PSMB1: variants seen among roughly 807,000 people sequenced by gnomAD.
The protein encoded by PSMB1 is proteasome 20S subunit beta 1, also known as proteasome subunit beta type-1.
Under a neutral mutation model 25.4 loss-of-function variants are expected in PSMB1, and 7 were observed. That is an observed-to-expected ratio of 0.28 (90% CI 0.16 to 0.52). The LOEUF is 0.52. Ranked by LOEUF, PSMB1 falls within the 20% of genes least tolerant of loss-of-function variation. PSMB1 has a pLI of 0.97. For missense variants in PSMB1, 284 were observed against 302.2 expected (o/e 0.94, Z 0.45); for synonymous variants, 119 against 115.0 (o/e 1.03, Z -0.22).
At chr6:170,553,038 G>A (rs1778934671) in intron 1 of PSMB1, 92 bp downstream of exon 1, 1 of 1,155,134 alleles carries the variant, frequency 8.7e-7, no homozygotes, top group South Asian at 1.5e-5. Context: ...GCAGGAGCCC[G>A]GGGCAGCGCC....
chr6:170,543,868 C>T, intron 3 of PSMB1, 138 bp from the exon 4 acceptor site: 1 of 915,128 alleles, frequency 1.1e-6, no homozygotes, highest in South Asian at 2.6e-5. Context: ...CATGATCAAC[C>T]AACACAGTAT....
chr6:170,551,430 G>T (rs892073703), intron 1 of PSMB1, among the ~76,000 whole-genome samples: 1 of 152,160 alleles, frequency 6.6e-6, no homozygotes, highest in African/African-American at 2.4e-5. Flanking sequence ...TTTTGCGGAA[G>T]CGAAGGCTGC....
At chr6:170,551,434 A>T (rs1366565109) in intron 1 of PSMB1, among the ~76,000 whole-genome samples, 1 of 152,186 alleles carries the variant, frequency 6.6e-6, no homozygotes, top group Non-Finnish European at 1.5e-5. Context: ...GCGGAAGCGA[A>T]GGCTGCCTGA....
chr6:170,538,718 T>C (rs1778723063), intron 4 of PSMB1, among the ~76,000 whole-genome samples: 1 of 152,134 alleles, frequency 6.6e-6, no homozygotes, highest in African/African-American at 2.4e-5. Flanking sequence ...AAAAGGATTG[T>C]GTAAACTGAA....
At chr6:170,552,355 CTA>C (rs1778915141) in intron 1 of PSMB1, among the ~76,000 whole-genome samples, 1 of 152,228 alleles carries the variant, frequency 6.6e-6, no homozygotes, top group Non-Finnish European at 1.5e-5. Context: ...GAGCATCTTT[CTA>C]TAACCCTAAA....
At chr6:170,537,927 G>A (rs2114974838) in intron 4 of PSMB1, among the ~76,000 whole-genome samples, 1 of 152,312 alleles carries the variant, frequency 6.6e-6, no homozygotes, top group African/African-American at 2.4e-5. Context: ...GAACTTGAAG[G>A]AAAGCACGAC....
At chr6:170,542,578 T>C (rs978157962) in intron 4 of PSMB1, among the ~76,000 whole-genome samples, 8 of 152,208 alleles carry the variant, frequency 5.3e-5, no homozygotes, top group African/African-American at 1.7e-4. Flanking sequence ...TCCCTGGCCC[T>C]GAACCAAATT....
At chr6:170,546,055 G>T in intron 3 of PSMB1, 48 bp downstream of exon 3, 1 of 1,478,696 alleles carries the variant, frequency 6.8e-7, no homozygotes, top group South Asian at 1.2e-5. Context: ...AGAATTTAAT[G>T]AATTACTATT....
intron 2 of PSMB1, among the ~76,000 whole-genome samples, chr6:170,546,722 T>G (rs1778824620): frequency 6.6e-6 from 1 of 152,088 alleles, no homozygotes; most frequent in African/African-American, 2.4e-5. Context: ...TGCCTTGGCC[T>G]CCAAAGTGCT....
intron 2 of PSMB1, among the ~76,000 whole-genome samples, chr6:170,547,898 A>AAAAAAAG (rs3042442): frequency 6.6e-6 from 1 of 151,394 alleles, no homozygotes; most frequent in Non-Finnish European, 1.5e-5. Flanking sequence ...AAAAAAAAAA[A>AAAAAAAG]GTGCTCACTT....
At chr6:170,547,661 G>A (rs1399831497) in intron 2 of PSMB1, among the ~76,000 whole-genome samples, 1 of 152,054 alleles carries the variant, frequency 6.6e-6, no homozygotes, top group African/African-American at 2.4e-5. Context: ...ATACCAACAG[G>A]GAAAGACAGA....
intron 4 of PSMB1, among the ~76,000 whole-genome samples, chr6:170,539,673 G>A (rs549931966): frequency 6.6e-6 from 1 of 152,198 alleles, no homozygotes; most frequent in African/African-American, 2.4e-5. Flanking sequence ...TTCAGAAAGA[G>A]TATACTCAAC....
intron 1 of PSMB1, 41 bp downstream of exon 1, chr6:170,553,089 G>T: frequency 5.3e-6 from 8 of 1,520,738 alleles, no homozygotes; most frequent in Non-Finnish European, 6.3e-6. Context: ...GCAGATGGGG[G>T]AAGGGCGAAA....
chr6:170,545,465 G>A (rs1055698014), intron 3 of PSMB1, among the ~76,000 whole-genome samples: 1 of 152,156 alleles, frequency 6.6e-6, no homozygotes, highest in African/African-American at 2.4e-5. Context: ...AAAAGCATGT[G>A]TCAGTTAAAT....
rs750798553 is a variant in PSMB1, at chr6:170,535,303, C to T, written c.643G>A (p.Val215Met). 1.2e-6 allele frequency: 2 copies of T among 1,614,058 alleles called. No individual in the cohort carries two copies. Among genetic ancestry groups the T allele is most frequent in the African/African-American group, 2.7e-5 (2 of 74,922 alleles). The change falls in exon 6 of 6, where the codon GTG becomes ATG. Residue 215 changes from valine to methionine, a missense_variant. Val to Met is a conservative substitution (Grantham distance 21). Coordinates refer to ENST00000262193, the MANE Select transcript of PSMB1 (RefSeq NM_002793.4). ...ATCCGGAGTGCGTCCCCAGTGTACA[C>T]ATCTCTCTCAGCCGCAGAAATGAAG... Reference protein sequence around the residue: ...DVFISAAERDVYTGDALRICI... With the variant: ...DVFISAAERDMYTGDALRICI...
At chr6:170,545,694 A>T (rs1778808874) in intron 3 of PSMB1, among the ~76,000 whole-genome samples, 1 of 152,186 alleles carries the variant, frequency 6.6e-6, no homozygotes, top group Non-Finnish European at 1.5e-5. Flanking sequence ...CCTGCCAACT[A>T]AGAGCACAGC....
At position 170,535,545 on chromosome 6, in the gene PSMB1, A is replaced by G; in HGVS notation, c.541-140T>C. Reference sequence around the variant, plus strand: ...AAAATTAAAATGTCCTTCAGACTGAATAAAGACCCTTCCAGACCTGGATGA... The same window carrying G: ...AAAATTAAAATGTCCTTCAGACTGAGTAAAGACCCTTCCAGACCTGGATGA... On this transcript the variant is annotated intron_variant, in intron 5 of 5. Transcript: ENST00000262193. 6 of 740,436 alleles carry G rather than the reference A, an allele frequency of 8.1e-6. No homozygotes were observed. The Middle Eastern group carries it at 1.6e-3, about 194-fold the overall frequency. 45.9% of individuals were successfully genotyped at this position (740,436 alleles called of 1,614,324 possible).
rs1047231508 is a variant in PSMB1, at chr6:170,552,775, T to C, written c.113+355A>G. Among the ~76,000 whole-genome samples the C allele has an allele frequency of 3.3e-5, 5 of 152,246 alleles. 1 individual carries two copies. The South Asian group carries it at 6.2e-4, about 19-fold the overall frequency. ...ACGTGTACATGAGGTCCAGTTTTAATGGTCTTCCACAGAGCAGAGGCTATG... is the reference window on the plus strand; with the variant it reads ...ACGTGTACATGAGGTCCAGTTTTAACGGTCTTCCACAGAGCAGAGGCTATG... On this transcript the variant is annotated intron_variant, in intron 1 of 5. Transcript: ENST00000262193.
chr6:170,552,835 G>A (rs998591166), intron 1 of PSMB1, among the ~76,000 whole-genome samples: 4 of 152,268 alleles, frequency 2.6e-5, no homozygotes, highest in Non-Finnish European at 4.4e-5. Flanking sequence ...ACAGCAGCAA[G>A]GAGCACGGAG....
Sources: allele counts gnomAD v4.1 joint callset (sites outside exome capture counted in the v4.1 genomes callset), GRCh38; gene constraint gnomAD v4.1.1; transcripts MANE v1.5; gene names NCBI Gene and HGNC (gene_info 2026-07-23, HGNC 2026-07-21).